Variants in ACSL6 observed in about 807,000 individuals in gnomAD.
ACSL6 encodes acyl-CoA synthetase long chain family member 6.
ACSL6 carries 47 observed loss-of-function variants against 98.2 expected under a neutral mutation model. The ratio of observed to expected loss-of-function variants is 0.48; its 90% CI spans 0.38 to 0.61. The LOEUF (loss-of-function observed/expected upper bound fraction) is 0.61. Among genes scored for constraint, ACSL6 ranks in the 20% least tolerant of loss-of-function variants. The pLI, the probability that ACSL6 is intolerant of heterozygous loss-of-function variation, is 0.00. For missense variants in ACSL6, 761 were observed against 913.4 expected, an observed-to-expected ratio of 0.83 and a Z score of 2.15; for synonymous variants, 362 against 336.9, an observed-to-expected ratio of 1.07 and a Z score of -0.82.
chr5:131,976,634 G>T lies in ACSL6; in HGVS notation c.990+14C>A, dbSNP rs370652. On this transcript the variant is annotated intron_variant, in intron 10 of 20. Coordinates refer to ENST00000651883, the MANE Select transcript of ACSL6 (RefSeq NM_001009185.3). ...CTCAAGAGACACCTGCAACAGTAAT[G>T]CTACTTTATTCACCTCTGTCACTTT... 1,352,477 of 1,609,336 alleles carry T rather than the reference G, an allele frequency of 0.84. 569,780 individuals are homozygous for T. Among genetic ancestry groups the T allele is most frequent in the African/African-American group, 0.97 (72,780 of 74,944 alleles).
In ACSL6 at chr5:131,962,437, C is replaced by T. The variant is rs7710095; in HGVS notation, c.1857+98G>A. The T allele has an allele frequency of 4.9e-3, 6,744 of 1,377,118 alleles. 31 individuals are homozygous for T. The highest frequency in any genetic ancestry group is 0.019 in the African/African-American group (1,300 of 68,844). 85.3% of individuals were successfully genotyped at this position (1,377,118 alleles called of 1,614,324 possible). ...GAGTTTTCTCTCATGTTTTAAAATGCGGAGGAGAATCCTGGTGCCTGATTG... is the reference window on the plus strand; with the variant it reads ...GAGTTTTCTCTCATGTTTTAAAATGTGGAGGAGAATCCTGGTGCCTGATTG... On this transcript the variant is annotated intron_variant, in intron 18 of 20. Transcript: ENST00000651883.
rs1233373407 is a variant in ACSL6 at position 131,950,476 on chromosome 5, G to A, written c.*3758C>T. On this transcript the variant is annotated 3_prime_UTR_variant, in exon 21 of 21. Transcript: ENST00000651883. ...ACTTGAGAGGAAATTCAGACTACTA[G>A]GATCCTTTTTTCTTTTCATGTAAAT... 9.8e-6 allele frequency: 2 copies of A among 204,028 alleles called. No homozygotes were observed. The highest frequency in any genetic ancestry group is 2.3e-5 in the African/African-American group (1 of 43,720). 12.6% of individuals were successfully genotyped at this position (204,028 alleles called of 1,614,324 possible). A position where few individuals can be genotyped will look rare whatever the true frequency, so the allele number is the denominator to read the frequency against.
intron 2 of ACSL6, among the ~76,000 whole-genome samples, chr5:131,992,868 C>T (rs1341752535): frequency 1.3e-5 from 2 of 152,224 alleles, no homozygotes; most frequent in East Asian, 3.8e-4. Context: ...AGTGACTTCT[C>T]TGGGTCATCA....
rs1189187982 is a variant in ACSL6 at position 131,951,643 on chromosome 5, T to TGG, written c.*2589_*2590dup. On this transcript the variant is annotated 3_prime_UTR_variant, in exon 21 of 21. Coordinates refer to ENST00000651883, the MANE Select transcript of ACSL6 (RefSeq NM_001009185.3). ...TTCTGTTGCCCAGGCTGGAGTACAG[T>TGG]GGCGGGATCTCGGCTCACTGCAAGC... is the stretch of plus-strand genomic sequence containing the variant. The TGG allele has an allele frequency of 5.7e-6, 1 of 175,474 alleles. No homozygotes were observed. Among genetic ancestry groups the TGG allele is most frequent in the African/African-American group, 2.4e-5 (1 of 42,130 alleles). 10.9% of individuals were successfully genotyped at this position (175,474 alleles called of 1,614,324 possible). A position where few individuals can be genotyped will look rare whatever the true frequency, so the allele number is the denominator to read the frequency against.
In ACSL6 at chr5:131,973,397, CAGACTAGAA is replaced by C; in HGVS notation, c.1069-6_1071del. The C allele has an allele frequency of 6.2e-7, 1 of 1,613,982 alleles. No individual in the cohort carries two copies. Among genetic ancestry groups the C allele is most frequent in the Non-Finnish European group, 8.5e-7 (1 of 1,179,918 alleles). ...ACACGCCCTCCGTGGCAATAGACGA[CAGACTAGAA>C]AGACAGGACAGGAAGGGAGGAGTCC... On this transcript the variant is annotated splice_acceptor_variant and splice_polypyrimidine_tract_variant and coding_sequence_variant and intron_variant, in exon 12 of 21. Coordinates refer to ENST00000651883, the MANE Select transcript of ACSL6 (RefSeq NM_001009185.3). LOFTEE classifies it high-confidence loss of function.
chr5:132,009,522 G>C (rs560772804), intron 1 of ACSL6, among the ~76,000 whole-genome samples: 1 of 152,182 alleles, frequency 6.6e-6, no homozygotes, highest in Non-Finnish European at 1.5e-5. Context: ...AACTTAAAAT[G>C]CCCCAGCAAT....
intron 15 of ACSL6, among the ~76,000 whole-genome samples, chr5:131,969,118 C>A (rs1006368893): frequency 2.0e-5 from 3 of 152,196 alleles, no homozygotes; most frequent in African/African-American, 7.2e-5. Flanking sequence ...GCAAAAGAAT[C>A]CTTCAGGATA....
chr5:131,972,076 T>C (rs1419046362), intron 13 of ACSL6, among the ~76,000 whole-genome samples: 1 of 152,246 alleles, frequency 6.6e-6, no homozygotes, highest in Non-Finnish European at 1.5e-5. Flanking sequence ...CCATGCTTTA[T>C]TTACTATGTA....
chr5:132,011,992 G>A, upstream of ACSL6: 3 of 1,486,734 alleles, frequency 2.0e-6, no homozygotes, highest in Admixed American at 2.1e-5. The surrounding 1 kb of genome is among the most constrained non-coding windows in gnomAD (Gnocchi z 5.4). Flanking sequence ...CCACCCCGCC[G>A]CCACCCACCC....
intron 10 of ACSL6, chr5:131,975,811 C>G (rs372307516): frequency 4.3e-5 from 42 of 985,374 alleles, no homozygotes; most frequent in Non-Finnish European, 4.8e-5. Context: ...CTGCTCTCCA[C>G]CCCTTTGCAG....
chr5:131,988,017 C>T, intron 7 of ACSL6, 31 bp downstream of exon 7: 1 of 1,606,970 alleles, frequency 6.2e-7, no homozygotes, highest in Non-Finnish European at 8.5e-7. Context: ...CCAGCAGTAG[C>T]CCAGCAAACC....
intron 1 of ACSL6, 123 bp from the exon 2 acceptor site, chr5:131,994,374 T>C: frequency 1.2e-6 from 1 of 818,160 alleles, no homozygotes; most frequent in Admixed American, 2.4e-5. Flanking sequence ...GGAGTTGGGA[T>C]GTACAGAGTG....
At chr5:131,998,453 G>A (rs548545740) in intron 1 of ACSL6, among the ~76,000 whole-genome samples, 1 of 152,286 alleles carries the variant, frequency 6.6e-6, no homozygotes, top group African/African-American at 2.4e-5. Context: ...TGCTGATTTA[G>A]GGCAATCCAG....
intron 20 of ACSL6, among the ~76,000 whole-genome samples, chr5:131,956,419 A>G (rs1201088201): frequency 6.6e-6 from 1 of 152,222 alleles, no homozygotes; most frequent in African/African-American, 2.4e-5. Flanking sequence ...AAGAGGCTAT[A>G]TCATTAAATA....
chr5:131,970,025 TA>T, intron 15 of ACSL6, 102 bp downstream of exon 15: 1 of 976,302 alleles, frequency 1.0e-6, no homozygotes, highest in Non-Finnish European at 1.6e-6. Context: ...GCTTTATTCC[TA>T]AGTACCCATG....
chr5:131,961,634 C>G (rs1447338452), intron 18 of ACSL6, among the ~76,000 whole-genome samples: 1 of 151,892 alleles, frequency 6.6e-6, no homozygotes, highest in Non-Finnish European at 1.5e-5. Context: ...GGGGTAGAGG[C>G]TGCAGTGAGC....
At chr5:131,972,995 T>A (rs1016435435) in intron 12 of ACSL6, 137 bp from the exon 13 acceptor site, 2 of 1,279,666 alleles carry the variant, frequency 1.6e-6, no homozygotes, top group Admixed American at 4.6e-5. Context: ...ACTGAATGTG[T>A]GACATTGAGC....
At chr5:131,975,570 C>A (rs1410172722) in intron 10 of ACSL6, 1 of 983,832 alleles carries the variant, frequency 1.0e-6, no homozygotes, top group Non-Finnish European at 1.2e-6. Context: ...AAGGCCAAAC[C>A]CCAAACACTG....
chr5:132,011,581 G>A lies in ACSL6; in HGVS notation c.-28C>T, dbSNP rs1580714173. 2.0e-6 allele frequency: 3 copies of A among 1,513,416 alleles called. No individual in the cohort carries two copies. The highest frequency in any genetic ancestry group is 2.6e-6 in the Non-Finnish European group (3 of 1,132,896). 93.7% of individuals were successfully genotyped at this position (1,513,416 alleles called of 1,614,324 possible). On this transcript the variant is annotated 5_prime_UTR_variant, in exon 1 of 21. Coordinates refer to ENST00000651883, the MANE Select transcript of ACSL6 (RefSeq NM_001009185.3). This position sits in a 1 kb window ranked among gnomAD's most constrained non-coding sequence, Gnocchi z 5.4. ...CGGTCAGCGGGGCCCGGCCCGGCCCGGCCCGGCCTCCCCGACCCGCAGCCC... is the reference window on the plus strand; with the variant it reads ...CGGTCAGCGGGGCCCGGCCCGGCCCAGCCCGGCCTCCCCGACCCGCAGCCC...
Sources: gnomAD v4.1 joint callset for allele counts (sites outside exome capture counted in the v4.1 genomes callset) on GRCh38, gnomAD v4.1.1 for gene constraint, Gnocchi (gnomAD v3.1) non-coding constraint, MANE v1.5 for transcripts, NCBI Gene and HGNC (gene_info 2026-07-23, HGNC 2026-07-21) for gene names.